The following MRTFA variants were observed in gnomAD, a reference collection of about 807,000 sequenced individuals.
The protein encoded by MRTFA is myocardin related transcription factor A.
MRTFA carries 20 observed loss-of-function variants against 83.5 expected under a neutral mutation model. That is an observed-to-expected ratio of 0.24 (90% CI 0.17 to 0.35). MRTFA has a LOEUF of 0.35. Among genes scored for constraint, MRTFA ranks in the 10% least tolerant of loss-of-function variants. The pLI is 1.00. For synonymous variants in MRTFA, 659 were observed against 541.2 expected, an observed-to-expected ratio of 1.22 and a Z score of -3.02; for missense variants, 1,200 against 1,224.7, an observed-to-expected ratio of 0.98 and a Z score of 0.30.
intron 3 of MRTFA, among the ~76,000 whole-genome samples, chr22:40,478,151 T>C (rs1428087907): frequency 6.6e-6 from 1 of 152,024 alleles, no homozygotes; most frequent in Non-Finnish European, 1.5e-5. Flanking sequence ...AAGGAGGAAG[T>C]GGAGGTGAAG....
At chr22:40,617,759 A>T (rs941551934) in intron 1 of MRTFA, among the ~76,000 whole-genome samples, 1 of 151,884 alleles carries the variant, frequency 6.6e-6, no homozygotes, top group Admixed American at 6.6e-5. Flanking sequence ...GAAAGAAAGA[A>T]TGGCCTAGCC....
intron 3 of MRTFA, among the ~76,000 whole-genome samples, chr22:40,479,948 G>C (rs979567076): frequency 5.9e-5 from 9 of 152,134 alleles, no homozygotes; most frequent in Admixed American, 5.2e-4. Flanking sequence ...ATCTAACCAG[G>C]TAACTTTCAA....
rs531448032 is a variant in MRTFA at position 40,418,236 on chromosome 22, C to T, written c.2364+138G>A. On this transcript the variant is annotated intron_variant, in intron 12 of 14. Coordinates refer to ENST00000355630, the MANE Select transcript of MRTFA (RefSeq NM_020831.6). ...CCCTTAACTTTCCTAAGTCTCAGTA[C>T]CCCCCTGGTGAAGGAAGATTAAATG... 5.5e-6 allele frequency: 8 copies of T among 1,442,056 alleles called. No homozygotes were observed. In the East Asian group the frequency reaches 1.5e-4, roughly 28 times the overall value. The allele number at this position is 1,442,056 out of a possible 1,614,324, so 89.3% of individuals were successfully genotyped here.
intron 3 of MRTFA, among the ~76,000 whole-genome samples, chr22:40,541,717 A>C (rs1379769863): frequency 4.6e-5 from 7 of 152,106 alleles, no homozygotes; most frequent in Non-Finnish European, 2.9e-5. Context: ...CCCAGGCTGG[A>C]GTGCAGTGGC....
At chr22:40,619,733 C>G (rs970108006) in intron 1 of MRTFA, among the ~76,000 whole-genome samples, 1 of 151,052 alleles carries the variant, frequency 6.6e-6, no homozygotes, top group Non-Finnish European at 1.5e-5. Context: ...ACTAAAAGTA[C>G]AAAAAAATTA....
chr22:40,573,897 T>C (rs2055832569), intron 2 of MRTFA, among the ~76,000 whole-genome samples: 1 of 152,220 alleles, frequency 6.6e-6, no homozygotes, highest in African/African-American at 2.4e-5. Flanking sequence ...ATAATATTTT[T>C]ACTACTGCAT....
chr22:40,490,626 G>GA (rs1280934601), intron 3 of MRTFA, among the ~76,000 whole-genome samples: 1 of 150,188 alleles, frequency 6.7e-6, no homozygotes, highest in Non-Finnish European at 1.5e-5. Flanking sequence ...AAGAAAAGAA[G>GA]AAAAAAAATA....
intron 4 of MRTFA, among the ~76,000 whole-genome samples, chr22:40,449,274 G>GAAAAAAAAAAAAAA (rs35140973): frequency 1.1e-5 from 1 of 87,998 alleles, no homozygotes; most frequent in Admixed American, 1.3e-4. Flanking sequence ...CTCCAAACGA[G>GAAAAAAAAAAAAAA]AAAAAAAAAA....
intron 3 of MRTFA, among the ~76,000 whole-genome samples, chr22:40,538,981 C>T (rs1024206533): frequency 1.4e-5 from 2 of 146,430 alleles, no homozygotes; most frequent in Admixed American, 1.4e-4. Flanking sequence ...GCAGGATACA[C>T]AGCCTTTTGT....
intron 1 of MRTFA, among the ~76,000 whole-genome samples, chr22:40,607,377 G>A (rs942107152): frequency 1.3e-5 from 2 of 152,022 alleles, no homozygotes; most frequent in African/African-American, 2.4e-5. Context: ...GCTGGTGGGC[G>A]CCTATAGTCC....
chr22:40,500,343 T>C (rs974196656), intron 3 of MRTFA, among the ~76,000 whole-genome samples: 3 of 26,278 alleles, frequency 1.1e-4, no homozygotes, highest in Non-Finnish European at 5.7e-4. Flanking sequence ...GTTTTTATTT[T>C]TTTTATTTTT....
At chr22:40,460,852 A>C (rs962815280) in intron 4 of MRTFA, among the ~76,000 whole-genome samples, 3 of 152,214 alleles carry the variant, frequency 2.0e-5, no homozygotes, top group Admixed American at 2.0e-4. Flanking sequence ...GAACTGCAGT[A>C]AACAAAAAGA....
chr22:40,616,057 C>A (rs1316285881), intron 1 of MRTFA, among the ~76,000 whole-genome samples: 2 of 152,174 alleles, frequency 1.3e-5, no homozygotes, highest in Non-Finnish European at 2.9e-5. Context: ...TAAGTATACA[C>A]ATTTTTAAAA....
intron 3 of MRTFA, among the ~76,000 whole-genome samples, chr22:40,498,280 T>TATATATATATATATAAATA (rs1602339571): frequency 1.0e-5 from 1 of 100,360 alleles, no homozygotes; most frequent in Non-Finnish European, 2.1e-5. Context: ...TATATTTTTT[T>TATATATATATATATAAATA]TTTTTTTTTT....
At chr22:40,492,366 C>T (rs576680990) in intron 3 of MRTFA, among the ~76,000 whole-genome samples, 1 of 152,312 alleles carries the variant, frequency 6.6e-6, no homozygotes, top group Admixed American at 6.5e-5. Flanking sequence ...ACTGGCAAAA[C>T]ATTTCTTCCT....
intron 3 of MRTFA, among the ~76,000 whole-genome samples, chr22:40,489,911 G>A (rs1239232332): frequency 6.6e-6 from 1 of 150,698 alleles, no homozygotes; most frequent in African/African-American, 2.4e-5. Context: ...GGCAGAGGTT[G>A]CAGTGGGCAG....
chr22:40,417,540 T>C (rs2052710688), intron 12 of MRTFA, 47 bp from the exon 13 acceptor site: 2 of 478,322 alleles, frequency 4.2e-6, no homozygotes, highest in South Asian at 2.6e-5. Context: ...GGGCTGGGGG[T>C]GCAGACCTGC....
intron 3 of MRTFA, among the ~76,000 whole-genome samples, chr22:40,547,815 C>T (rs1326745526): frequency 1.3e-5 from 2 of 148,618 alleles, no homozygotes; most frequent in Non-Finnish European, 3.0e-5. Flanking sequence ...GATCATACCA[C>T]TGCATTCCAG....
intron 1 of MRTFA, among the ~76,000 whole-genome samples, chr22:40,603,469 A>G (rs965734659): frequency 1.2e-4 from 18 of 152,136 alleles, no homozygotes; most frequent in Admixed American, 1.1e-3. Context: ...ATATTCTAAC[A>G]AACTGCTGCT....
Sources: gnomAD v4.1 joint callset for allele counts (sites outside exome capture counted in the v4.1 genomes callset) on GRCh38, gnomAD v4.1.1 for gene constraint, MANE v1.5 for transcripts, NCBI Gene and HGNC (gene_info 2026-07-23, HGNC 2026-07-21) for gene names.